The following RYR3 variants were observed in gnomAD, a reference collection of about 807,000 sequenced individuals.
RYR3 encodes ryanodine receptor 3, also known as brain ryanodine receptor-calcium release channel.
Under a neutral mutation model 584.3 loss-of-function variants are expected in RYR3, and 207 were observed. The observed-to-expected ratio is 0.35, with a 90% confidence interval of 0.32 to 0.40. The LOEUF is 0.40. RYR3 is among the 10% of genes least tolerant of loss of function. The pLI, the probability that RYR3 is intolerant of heterozygous loss-of-function variation, is 1.00. For missense variants in RYR3, 5,616 were observed against 6,089.2 expected (o/e 0.92, Z 2.59); for synonymous variants, 2,416 against 2,248.5 (o/e 1.07, Z -2.11).
intron 16 of RYR3, 23 bp downstream of exon 16, chr15:33,586,139 T>C (rs2058835949): frequency 1.4e-6 from 2 of 1,410,740 alleles, no homozygotes; most frequent in East Asian, 2.3e-5. Flanking sequence ...AGAACGGTGA[T>C]TGACTTTGCC....
chr15:33,487,076 T>A (rs1441199223), intron 2 of RYR3, among the ~76,000 whole-genome samples: 2 of 152,014 alleles, frequency 1.3e-5, no homozygotes, highest in Admixed American at 1.3e-4. Context: ...TGGGCATCTA[T>A]AGTCCCAGCT....
At chr15:33,729,562 C>A (rs1162427857) in intron 47 of RYR3, among the ~76,000 whole-genome samples, 1 of 151,804 alleles carries the variant, frequency 6.6e-6, no homozygotes, top group Admixed American at 6.6e-5. Flanking sequence ...AGGGGCCTGA[C>A]GAAGGTCAAT....
At position 33,627,865 on chromosome 15, in the gene RYR3, C is replaced by A. The variant is rs544999329; in HGVS notation, c.2575-606C>A. On this transcript the variant is annotated intron_variant, in intron 20 of 103. Coordinates refer to ENST00000634891, the MANE Select transcript of RYR3 (RefSeq NM_001036.6). ...TTGAGTAATGGAGAGAAGGGAATCCCTCAGAAGGACACTTAGGAAATGAAC... is the reference window on the plus strand; with the variant it reads ...TTGAGTAATGGAGAGAAGGGAATCCATCAGAAGGACACTTAGGAAATGAAC... Among the ~76,000 whole-genome samples, 5 of 152,094 alleles carry A rather than the reference C, an allele frequency of 3.3e-5. No individual in the cohort carries two copies. The South Asian group carries it at 1.0e-3, about 32-fold the overall frequency.
intron 5 of RYR3, among the ~76,000 whole-genome samples, chr15:33,536,740 T>C (rs2055363199): frequency 6.6e-6 from 1 of 152,220 alleles, no homozygotes. Flanking sequence ...TACTCACACA[T>C]AGATTAAAGA....
intron 38 of RYR3, among the ~76,000 whole-genome samples, chr15:33,689,655 T>C (rs2065276370): frequency 7.9e-5 from 12 of 152,162 alleles, no homozygotes; most frequent in Admixed American, 7.9e-4. Context: ...TCTAGAAATA[T>C]AAAAAACTTC....
At chr15:33,603,055 G>A in intron 17 of RYR3, 68 bp from the exon 18 acceptor site, 1 of 1,569,902 alleles carries the variant, frequency 6.4e-7, no homozygotes, top group East Asian at 2.2e-5. Flanking sequence ...GCCTCCTATG[G>A]TCTGGTTCAA....
chr15:33,621,192 G>A (rs1291311452), intron 19 of RYR3, among the ~76,000 whole-genome samples: 2 of 152,180 alleles, frequency 1.3e-5, no homozygotes, highest in African/African-American at 2.4e-5. Context: ...CAGAGCTCAT[G>A]AATAATTAAA....
chr15:33,352,253 G>T (rs1156724124), intron 1 of RYR3, among the ~76,000 whole-genome samples: 1 of 151,996 alleles, frequency 6.6e-6, no homozygotes, highest in African/African-American at 2.4e-5. Flanking sequence ...TCAGATATGT[G>T]TTTTGCAAAT....
At chr15:33,779,660 G>C (rs562130403) in intron 64 of RYR3, among the ~76,000 whole-genome samples, 1 of 152,146 alleles carries the variant, frequency 6.6e-6, no homozygotes, top group Non-Finnish European at 1.5e-5. Context: ...CACATGCTGG[G>C]AGAGAGGGAC....
chr15:33,599,070 T>C (rs1397628888), intron 16 of RYR3, among the ~76,000 whole-genome samples: 2 of 148,854 alleles, frequency 1.3e-5, no homozygotes, highest in Non-Finnish European at 1.5e-5. Flanking sequence ...AAAAAAGGAG[T>C]TGTACAGCAA....
intron 1 of RYR3, 164 bp from the exon 2 acceptor site, chr15:33,473,255 C>A: frequency 1.2e-6 from 1 of 834,692 alleles, no homozygotes; most frequent in Non-Finnish European, 2.1e-6. Flanking sequence ...CCGTGATGTC[C>A]TGTGAATAAA....
chr15:33,861,239 C>G, intron 102 of RYR3, 61 bp downstream of exon 102: 1 of 1,219,204 alleles, frequency 8.2e-7, no homozygotes, highest in South Asian at 1.3e-5. Flanking sequence ...CCAATTAGGT[C>G]ATATAGTTCA....
intron 1 of RYR3, among the ~76,000 whole-genome samples, chr15:33,406,499 A>G (rs1018641355): frequency 1.3e-5 from 2 of 152,202 alleles, no homozygotes; most frequent in African/African-American, 2.4e-5. Context: ...TCTCAAGAAC[A>G]TTTACTCTGG....
intron 1 of RYR3, among the ~76,000 whole-genome samples, chr15:33,351,323 C>G (rs1427425260): frequency 1.3e-5 from 2 of 152,174 alleles, no homozygotes; most frequent in South Asian, 2.1e-4. Context: ...CCGATTTCTA[C>G]CAGAGATACA....
intron 43 of RYR3, among the ~76,000 whole-genome samples, chr15:33,714,017 A>G (rs2067310811): frequency 6.6e-6 from 1 of 152,204 alleles, no homozygotes; most frequent in African/African-American, 2.4e-5. Context: ...GGATACAATT[A>G]TCTTCATATT....
At chr15:33,820,584 C>G in intron 77 of RYR3, 172 bp from the exon 78 acceptor site, 2 of 579,402 alleles carry the variant, frequency 3.5e-6, no homozygotes, top group Non-Finnish European at 6.2e-6. Flanking sequence ...ATGGCATTTA[C>G]AGGAGAAATG....
At chr15:33,565,845 G>T (rs550967147) in intron 11 of RYR3, among the ~76,000 whole-genome samples, 6 of 152,256 alleles carry the variant, frequency 3.9e-5, no homozygotes, top group Non-Finnish European at 7.4e-5. Context: ...ATTGTGTCAT[G>T]ATATCCTTAG....
chr15:33,831,589 A>T (rs999896082), intron 86 of RYR3, among the ~76,000 whole-genome samples: 6 of 152,218 alleles, frequency 3.9e-5, no homozygotes, highest in Admixed American at 3.9e-4. Flanking sequence ...AAGCGCACAA[A>T]CTACATGCAG....
chr15:33,378,602 A>G (rs1011179792), intron 1 of RYR3, among the ~76,000 whole-genome samples: 1 of 152,240 alleles, frequency 6.6e-6, no homozygotes, highest in African/African-American at 2.4e-5. Context: ...AATAACCAGA[A>G]AAGTGTTTGT....
Sources: allele counts gnomAD v4.1 joint callset (sites outside exome capture counted in the v4.1 genomes callset), GRCh38; gene constraint gnomAD v4.1.1; transcripts MANE v1.5; gene names NCBI Gene and HGNC (gene_info 2026-07-23, HGNC 2026-07-21).